RANBP3: variants seen among roughly 807,000 people sequenced by gnomAD.
The protein encoded by RANBP3 is RAN binding protein 3, also known as ran-binding protein 3.
RANBP3 carries 14 observed loss-of-function variants against 77.3 expected under a neutral mutation model. The observed-to-expected ratio is 0.18, with a 90% CI of 0.12 to 0.28. The LOEUF (loss-of-function observed/expected upper bound fraction) is 0.28, where lower values mean the gene tolerates loss of function less well. Ranked by LOEUF, RANBP3 falls within the 10% of genes least tolerant of loss-of-function variation. The pLI, the probability that RANBP3 is intolerant of heterozygous loss-of-function variation, is 1.00. For synonymous variants in RANBP3, 315 were observed against 312.4 expected (o/e 1.01, Z -0.09); for missense variants, 586 against 752.3 (o/e 0.78, Z 2.59).
At chr19:5,975,629 T>C (rs1461927411) in intron 1 of RANBP3, among the ~76,000 whole-genome samples, 2 of 146,980 alleles carry the variant, frequency 1.4e-5, no homozygotes, top group African/African-American at 5.1e-5. Context: ...GGAGCTTACA[T>C]GGGGCAAACA....
rs1024391049 is a variant in RANBP3, at chr19:5,959,494, C to T, written c.23-1521G>A. On this transcript the variant is annotated intron_variant, in intron 1 of 16. Coordinates refer to ENST00000340578, the MANE Select transcript of RANBP3 (RefSeq NM_007322.3). This position sits in a 1 kb window ranked among gnomAD's most constrained non-coding sequence, Gnocchi z 5.1. ...CTCGGCACACCAGGGTCTGATTCAC[C>T]GTGTACAGCCAAGGCAAACACTGGA... 2.0e-5 allele frequency among the ~76,000 whole-genome samples: 3 copies of T among 152,044 alleles called. No individual in the cohort carries two copies. Among genetic ancestry groups the T allele is most frequent in the African/African-American group, 4.8e-5 (2 of 41,412 alleles).
In RANBP3 at chr19:5,927,953, C is replaced by T. The variant is rs529135551; in HGVS notation, c.813+15G>A. ...GGCATAAAAAGTCAATGTGCTGGTT[C>T]AACAGCTCACATACCTTAACTCTGT... On this transcript the variant is annotated intron_variant, in intron 9 of 16. Coordinates refer to ENST00000340578, the MANE Select transcript of RANBP3 (RefSeq NM_007322.3). The T allele has an allele frequency of 8.1e-6, 13 of 1,596,316 alleles. No individual in the cohort carries two copies. The South Asian group carries it at 1.4e-4, about 17-fold the overall frequency.
intron 15 of RANBP3, 145 bp from the exon 16 acceptor site, chr19:5,918,125 G>A (rs970342003): frequency 3.2e-6 from 3 of 934,314 alleles, no homozygotes; most frequent in Non-Finnish European, 4.6e-6. Flanking sequence ...GGGCCTGCCG[G>A]CCTCTCCCCG....
chr19:5,957,949 A>T lies in RANBP3; in HGVS notation c.47T>A (p.Val16Asp). Residue 16 changes from valine (V) to aspartate (D), a missense_variant, in exon 2 of 17, where the codon GTC becomes GAC. This residue lies in a region of RANBP3 where 172 missense variants were observed against 183.4 expected (regional missense o/e 0.94). Transcript: ENST00000340578. ...NEEKPAIAPP[V>D]FVFQKDKGQK... ...TCCTTTATCCTTCTGAAACACAAAG[A>T]CGGGCGGAGCAATGGCAGGCTTTTC... is the stretch of plus-strand genomic sequence containing the variant. 1 of 1,614,246 alleles carries T rather than the reference A, an allele frequency of 6.2e-7. No homozygotes were observed. Among genetic ancestry groups the T allele is most frequent in the Non-Finnish European group, 8.5e-7 (1 of 1,180,042 alleles).
rs765971065 is a variant in RANBP3 at position 5,931,464 on chromosome 19, G to A, written c.633C>T (p.Ser211=). ...GACTTCTCCATGCAGCAGTGTCAGGGGATGCTGCGGGCACTGCCCCCGTGC... is the reference window on the plus strand; with the variant it reads ...GACTTCTCCATGCAGCAGTGTCAGGAGATGCTGCGGGCACTGCCCCCGTGC... ...ADCTGAVPAA[S]PDTAAWRSPS... is the part of the protein sequence containing the mutation. Residue 211 remains serine (S), a synonymous_variant, in exon 8 of 17, where the codon TCC becomes TCT. Coordinates refer to ENST00000340578, the MANE Select transcript of RANBP3 (RefSeq NM_007322.3). 1.2e-6 allele frequency: 2 copies of A among 1,612,864 alleles called. No homozygotes were observed. Among genetic ancestry groups the A allele is most frequent in the Non-Finnish European group, 8.5e-7 (1 of 1,179,562 alleles).
intron 1 of RANBP3, among the ~76,000 whole-genome samples, chr19:5,975,132 T>A (rs1191526528): frequency 6.6e-6 from 1 of 152,128 alleles, no homozygotes; most frequent in Non-Finnish European, 1.5e-5. Flanking sequence ...AAATTAAACA[T>A]CCTGGCAGGC....
intron 1 of RANBP3, among the ~76,000 whole-genome samples, chr19:5,960,510 C>A (rs184680478): frequency 1.3e-5 from 2 of 152,130 alleles, no homozygotes; most frequent in African/African-American, 4.8e-5. Context: ...CCATAAGATC[C>A]GAGACTGCTT....
chr19:5,967,185 T>C (rs1269196040), intron 1 of RANBP3, among the ~76,000 whole-genome samples: 2 of 152,252 alleles, frequency 1.3e-5, no homozygotes, highest in African/African-American at 4.8e-5. Context: ...CCAGCCCAGC[T>C]AGTGGAAGGC....
chr19:5,927,713 T>C (rs1366291380), intron 9 of RANBP3, among the ~76,000 whole-genome samples: 1 of 152,176 alleles, frequency 6.6e-6, no homozygotes, highest in Non-Finnish European at 1.5e-5. Flanking sequence ...CCCGCTACCA[T>C]GAGAACCAGG....
chr19:5,969,421 A>G (rs2058505158), intron 1 of RANBP3, among the ~76,000 whole-genome samples: 1 of 152,228 alleles, frequency 6.6e-6, no homozygotes, highest in Non-Finnish European at 1.5e-5. Flanking sequence ...TCTGTGGCAA[A>G]CCTGGGGGAG....
In RANBP3 at chr19:5,925,676, G is replaced by A. The variant is rs201083486; in HGVS notation, c.875C>T (p.Thr292Met). Residue 292 changes from threonine (T) to methionine (M), a missense_variant, in exon 10 of 17, where the codon ACG (threonine) becomes ATG (methionine). Thr to Met is a moderately conservative substitution (Grantham distance 81). Transcript: ENST00000340578. ...MENAGHPSAD[T>M]PTATNYFLQY... ...GAGGAAATAGTTCGTTGCGGTTGGC[G>A]TGTCTGCGCTGGGGTGTCCAGCATT... 2.0e-5 allele frequency: 32 copies of A among 1,613,970 alleles called. No homozygotes were observed. Among genetic ancestry groups the A allele is most frequent in the Middle Eastern group, 1.6e-4 (1 of 6,062 alleles).
rs368209784 is a variant in RANBP3 at position 5,919,613 on chromosome 19, A to G, written c.1331-975T>C. Among the ~76,000 whole-genome samples the G allele has an allele frequency of 3.3e-5, 5 of 152,324 alleles. No homozygotes were observed. The East Asian group carries it at 9.6e-4, about 29-fold the overall frequency. On this transcript the variant is annotated intron_variant, in intron 14 of 16. Coordinates refer to ENST00000340578, the MANE Select transcript of RANBP3 (RefSeq NM_007322.3). ...AAAGGAAAAACACAAGAAGACGTCC[A>G]TAAGGCTGGGCACAGTGGCTCAAGC...
At chr19:5,937,017 C>CTGCACT (rs796430434) in intron 5 of RANBP3, among the ~76,000 whole-genome samples, 64 of 124,104 alleles carry the variant, frequency 5.2e-4, no homozygotes, top group African/African-American at 2.0e-3. Flanking sequence ...GATTGTGCCA[C>CTGCACT]TGCACTCCAG....
rs1183791962 is a variant in RANBP3 at position 5,952,017 on chromosome 19, G to T, written c.79-421C>A. On this transcript the variant is annotated intron_variant, in intron 2 of 16. Coordinates refer to ENST00000340578, the MANE Select transcript of RANBP3 (RefSeq NM_007322.3). The surrounding 1 kb of genome is among the most constrained non-coding windows in gnomAD (Gnocchi z 4.1). ...CATCAGCACCATTTCTGTGCTTTAG[G>T]AAAGAGGGAGGTGGCTGGAACCCCA... Among the ~76,000 whole-genome samples the T allele has an allele frequency of 1.3e-5, 2 of 152,178 alleles. No individual in the cohort carries two copies. Among genetic ancestry groups the T allele is most frequent in the African/African-American group, 4.8e-5 (2 of 41,440 alleles).
In RANBP3 at chr19:5,931,542, G is replaced by C; in HGVS notation, c.566-11C>G. On this transcript the variant is annotated splice_polypyrimidine_tract_variant and intron_variant, in intron 7 of 16. Coordinates refer to ENST00000340578, the MANE Select transcript of RANBP3 (RefSeq NM_007322.3). ...TGCCACTGCTGGGGACTGTGGGAGG[G>C]AAGGAGAGTGGGGAATCACAGGTGC... The C allele has an allele frequency of 6.2e-7, 1 of 1,601,226 alleles. No individual in the cohort carries two copies. Among genetic ancestry groups the C allele is most frequent in the Non-Finnish European group, 8.5e-7 (1 of 1,171,608 alleles).
intron 3 of RANBP3, 43 bp downstream of exon 3, chr19:5,951,350 G>A: frequency 6.6e-7 from 1 of 1,520,618 alleles, no homozygotes; most frequent in Non-Finnish European, 8.9e-7. Context: ...TCTGGGTTGG[G>A]CTCCCCCTGG....
chr19:5,974,858 G>C (rs1568486024), intron 1 of RANBP3, among the ~76,000 whole-genome samples: 1 of 152,166 alleles, frequency 6.6e-6, no homozygotes, highest in Admixed American at 6.5e-5. Flanking sequence ...AGTTCCCCAG[G>C]GGGTACTGAT....
intron 9 of RANBP3, 30 bp from the exon 10 acceptor site, chr19:5,925,767 G>A (rs776043534): frequency 8.3e-6 from 13 of 1,575,126 alleles, no homozygotes; most frequent in African/African-American, 4.1e-5. Flanking sequence ...CTCAGTAATC[G>A]GGGGTGGGGG....
At chr19:5,947,405 A>G (rs1389051127) in intron 3 of RANBP3, among the ~76,000 whole-genome samples, 1 of 152,112 alleles carries the variant, frequency 6.6e-6, no homozygotes, top group Non-Finnish European at 1.5e-5. Flanking sequence ...AGTGGGGAGG[A>G]GCGAGGACAG....
Sources: allele counts gnomAD v4.1 joint callset (sites outside exome capture counted in the v4.1 genomes callset), GRCh38; gene constraint gnomAD v4.1.1; regional missense constraint gnomAD v4.1.1; non-coding constraint Gnocchi (gnomAD v3.1); transcripts MANE v1.5; gene names NCBI Gene and HGNC (gene_info 2026-07-23, HGNC 2026-07-21).